The following ZNF532 variants were observed in gnomAD, a reference collection of about 807,000 sequenced individuals.
ZNF532 encodes the protein zinc finger protein 532.
ZNF532 carries 22 observed loss-of-function variants against 89.3 expected under a neutral mutation model. The ratio of observed to expected loss-of-function variants is 0.25; its 90% confidence interval spans 0.18 to 0.35. The LOEUF is 0.35. ZNF532 is among the 10% of genes least tolerant of loss of function. The probability of loss-of-function intolerance (pLI) is 1.00; values close to 1 mark genes in which losing one functional copy is unlikely to be tolerated. For missense variants in ZNF532, 1,132 were observed against 1,643.4 expected, an observed-to-expected ratio of 0.69 and a Z score of 5.38; for synonymous variants, 606 against 649.6, an observed-to-expected ratio of 0.93 and a Z score of 1.02.
rs547810933 is a variant in ZNF532 at position 58,984,091 on chromosome 18, C to T, written c.3531C>T (p.Ala1177=). Residue 1177 remains alanine, a synonymous_variant, in exon 10 of 10, where the codon GCC becomes GCT. Transcript: ENST00000591808. ...KINVFKVHKC[A]VCGFTTENLL... ...ATGTTTTTAAGGTTCACAAGTGTGC[C>T]GTGTGTGGCTTCACCACCGAAAACC... 20 of 1,611,854 alleles carry T rather than the reference C, an allele frequency of 1.2e-5. No homozygotes were observed. The highest frequency in any genetic ancestry group is 6.6e-5 in the South Asian group (6 of 90,966).
At chr18:58,934,754 T>C (rs1221482799) in intron 4 of ZNF532, 140 bp downstream of exon 4, 17 of 810,222 alleles carry the variant, frequency 2.1e-5, no homozygotes, top group Non-Finnish European at 3.1e-5. Context: ...CTAGCTCGTT[T>C]GTAGAGTCCA....
chr18:58,888,877 T>A (rs28589641), intron 2 of ZNF532, among the ~76,000 whole-genome samples: 25 of 36,080 alleles, frequency 6.9e-4, no homozygotes, highest in South Asian at 9.7e-4. Flanking sequence ...TAATATATAT[T>A]ATATATATAT....
At chr18:58,923,289 G>A (rs895391671) in intron 3 of ZNF532, among the ~76,000 whole-genome samples, 3 of 151,082 alleles carry the variant, frequency 2.0e-5, no homozygotes, top group Non-Finnish European at 2.9e-5. Flanking sequence ...CCCATAGCAC[G>A]CTCTCCTCCT....
Position 58,983,911 on chromosome 18 carries a change from A to G in ZNF532, c.3412-61A>G. On this transcript the variant is annotated intron_variant, in intron 9 of 9. Transcript: ENST00000591808. ...CAGCTCTAAAGTAAGAGAACCGATCATTTATCAACCACCGTGAAGGATGGT... is the reference window on the plus strand; with the variant it reads ...CAGCTCTAAAGTAAGAGAACCGATCGTTTATCAACCACCGTGAAGGATGGT... 3 of 1,541,892 alleles carry G rather than the reference A, an allele frequency of 1.9e-6. No individual in the cohort carries two copies. In the South Asian group the frequency reaches 3.8e-5, roughly 20 times the overall value.
At chr18:58,895,533 A>G (rs1289807205) in intron 2 of ZNF532, among the ~76,000 whole-genome samples, 2 of 152,238 alleles carry the variant, frequency 1.3e-5, no homozygotes, top group African/African-American at 2.4e-5. Flanking sequence ...CCTAATGTCT[A>G]CAAACATTCT....
chr18:58,962,367 A>T (rs1355239914), intron 7 of ZNF532, among the ~76,000 whole-genome samples: 1 of 152,224 alleles, frequency 6.6e-6, no homozygotes, highest in Non-Finnish European at 1.5e-5. Flanking sequence ...TCTAAAAGTC[A>T]TTCCATGGAC....
intron 7 of ZNF532, among the ~76,000 whole-genome samples, chr18:58,965,248 C>T (rs145105127): frequency 6.6e-5 from 10 of 152,096 alleles, no homozygotes; most frequent in South Asian, 2.1e-4. Context: ...AATTGGAAGG[C>T]GGGGTGTTAA....
Position 58,939,501 on chromosome 18 carries a change from A to C in ZNF532, c.2585A>C (p.Gln862Pro). 3 of 1,614,046 alleles carry C rather than the reference A, an allele frequency of 1.9e-6. No homozygotes were observed. The highest frequency in any genetic ancestry group is 2.5e-6 in the Non-Finnish European group (3 of 1,180,012). The change falls in exon 5 of 10, where the codon CAA (glutamine) becomes CCA (proline). Residue 862 changes from glutamine to proline, a missense_variant. Gln to Pro is a moderately conservative substitution (Grantham distance 76). Around this residue, in one of 9 missense-constraint regions of ZNF532, gnomAD observed 415 missense variants for 604.8 expected, o/e 0.69. Transcript: ENST00000591808. The stretch of plus-strand genomic sequence containing the variant: ...GTGGCTGCTCTGAAGTCTCACATTC[A>C]AGGTTCTCACTGTGAAGTCTTCTAC... Reference protein sequence around the residue: ...SDVAALKSHIQGSHCEVFYKC... With the variant: ...SDVAALKSHIPGSHCEVFYKC...
intron 7 of ZNF532, among the ~76,000 whole-genome samples, chr18:58,964,629 C>T (rs921331246): frequency 2.0e-5 from 3 of 151,110 alleles, no homozygotes; most frequent in African/African-American, 7.3e-5. Context: ...CTCTGTCGCT[C>T]AGGCTGGAGT....
chr18:58,902,174 T>C (rs1019265230), intron 2 of ZNF532, among the ~76,000 whole-genome samples: 14 of 152,104 alleles, frequency 9.2e-5, no homozygotes, highest in African/African-American at 1.4e-4. Context: ...AGCCCGGCCC[T>C]GTGCAGCGGT....
intron 2 of ZNF532, among the ~76,000 whole-genome samples, chr18:58,877,714 C>T (rs1489932951): frequency 2.0e-5 from 3 of 152,130 alleles, no homozygotes; most frequent in East Asian, 3.9e-4. Context: ...GTGACAGTAT[C>T]GGCTCTGGGC....
chr18:58,908,175 T>C (rs956667488), intron 2 of ZNF532, among the ~76,000 whole-genome samples: 3 of 152,230 alleles, frequency 2.0e-5, no homozygotes, highest in African/African-American at 4.8e-5. Context: ...TATGCTGTTA[T>C]CCTCATTTTT....
At chr18:58,965,974 G>C (rs1185931276) in intron 7 of ZNF532, among the ~76,000 whole-genome samples, 1 of 152,214 alleles carries the variant, frequency 6.6e-6, no homozygotes, top group Non-Finnish European at 1.5e-5. Context: ...TCGAGGCAGA[G>C]AGCACAGTTA....
rs150551047 is a variant in ZNF532, at chr18:58,982,936, A to T, written c.3412-1036A>T. On this transcript the variant is annotated intron_variant, in intron 9 of 9. Transcript: ENST00000591808. ...AGACCAGCCTGGCCAATATGGTGAA[A>T]CCCTGTCTCTACTAAAAATACAAAA... Among the ~76,000 whole-genome samples, 773 of 152,188 alleles carry T rather than the reference A, an allele frequency of 5.1e-3. 5 individuals carry two copies. The highest frequency in any genetic ancestry group is 0.017 in the African/African-American group (703 of 41,518).
intron 2 of ZNF532, 40 bp from the exon 3 acceptor site, chr18:58,918,231 T>C: frequency 6.5e-7 from 1 of 1,547,270 alleles, no homozygotes; most frequent in Non-Finnish European, 8.8e-7. Context: ...CGTGAGGAAA[T>C]ACCAATTACT....
intron 2 of ZNF532, among the ~76,000 whole-genome samples, chr18:58,898,604 C>A (rs1024680787): frequency 1.3e-5 from 2 of 152,170 alleles, no homozygotes; most frequent in Admixed American, 6.5e-5. Context: ...GGCAGCCCAG[C>A]GTGAATGCCG....
intron 5 of ZNF532, among the ~76,000 whole-genome samples, chr18:58,944,167 T>G (rs1160977200): frequency 6.6e-6 from 1 of 152,158 alleles, no homozygotes; most frequent in African/African-American, 2.4e-5. Context: ...CCTAGTTGGA[T>G]TCAGTTGATG....
At chr18:58,934,399 G>A in intron 3 of ZNF532, 34 bp from the exon 4 acceptor site, 1 of 1,599,304 alleles carries the variant, frequency 6.3e-7, no homozygotes, top group Non-Finnish European at 8.5e-7. Context: ...GTACTTAGTA[G>A]GACCAACCCT....
intron 7 of ZNF532, among the ~76,000 whole-genome samples, chr18:58,971,535 A>C (rs1407091722): frequency 1.3e-5 from 2 of 152,204 alleles, no homozygotes; most frequent in Non-Finnish European, 2.9e-5. Flanking sequence ...ACAAGGGCAG[A>C]GTTGAGTAGT....
Sources: gnomAD v4.1 joint callset for allele counts (sites outside exome capture counted in the v4.1 genomes callset) on GRCh38, gnomAD v4.1.1 for gene constraint, gnomAD v4.1.1 regional missense constraint, MANE v1.5 for transcripts, NCBI Gene and HGNC (gene_info 2026-07-23, HGNC 2026-07-21) for gene names.